Variants in AUTS2 observed in about 807,000 individuals in gnomAD.
AUTS2 encodes the protein activator of transcription and developmental regulator AUTS2.
Under a neutral mutation model 112.4 loss-of-function variants are expected in AUTS2, and 17 were observed. The observed-to-expected ratio is 0.15, with a 90% confidence interval of 0.10 to 0.23. The LOEUF (loss-of-function observed/expected upper bound fraction) is 0.23, where lower values mean the gene tolerates loss of function less well. Ranked by LOEUF, AUTS2 falls within the 10% of genes least tolerant of loss-of-function variation. AUTS2 has a pLI of 1.00. For synonymous variants in AUTS2, 751 were observed against 702.7 expected, an observed-to-expected ratio of 1.07 and a Z score of -1.09; for missense variants, 1,510 against 1,701.6, an observed-to-expected ratio of 0.89 and a Z score of 1.98.
intron 5 of AUTS2, among the ~76,000 whole-genome samples, chr7:70,489,512 A>C (rs775724879): frequency 3.3e-5 from 5 of 152,244 alleles, no homozygotes; most frequent in Admixed American, 6.5e-5. Flanking sequence ...AAAGCCGTAG[A>C]GAGACGACAA....
At position 70,791,167 on chromosome 7, in the gene AUTS2, A is replaced by G; in HGVS notation, c.*171A>G. The stretch of plus-strand genomic sequence containing the variant: ...CACATTTTGAAATGTTTTGTATATT[A>G]TATGTTGAGATTTTTCAGATCTTTT... On this transcript the variant is annotated 3_prime_UTR_variant, in exon 19 of 19. Transcript: ENST00000342771. 2 of 604,038 alleles carry G rather than the reference A, an allele frequency of 3.3e-6. No individual in the cohort carries two copies. Among genetic ancestry groups the G allele is most frequent in the Non-Finnish European group, 4.9e-6 (2 of 410,900 alleles). 37.4% of individuals were successfully genotyped at this position (604,038 alleles called of 1,614,324 possible).
intron 5 of AUTS2, among the ~76,000 whole-genome samples, chr7:70,495,126 C>T (rs566801616): frequency 4.4e-4 from 67 of 151,242 alleles, no homozygotes; most frequent in Non-Finnish European, 7.8e-4. Flanking sequence ...GGTCTCGTGC[C>T]GACCCTAGTA....
At chr7:69,664,316 G>A (rs1320740930) in intron 1 of AUTS2, among the ~76,000 whole-genome samples, 1 of 152,160 alleles carries the variant, frequency 6.6e-6, no homozygotes, top group Admixed American at 6.5e-5. Context: ...TGTATTAGGA[G>A]CTTAGTATGC....
At chr7:69,654,065 G>A (rs918249115) in intron 1 of AUTS2, among the ~76,000 whole-genome samples, 8 of 152,194 alleles carry the variant, frequency 5.3e-5, no homozygotes, top group African/African-American at 1.9e-4. Flanking sequence ...CATAAGACGG[G>A]ATGTTGGTCT....
chr7:69,629,553 G>A (rs941524690), intron 1 of AUTS2, among the ~76,000 whole-genome samples: 2 of 152,148 alleles, frequency 1.3e-5, no homozygotes, highest in South Asian at 4.1e-4. Flanking sequence ...AATGAGATGA[G>A]CCCCAACTTC....
At position 69,651,481 on chromosome 7, in the gene AUTS2, G is replaced by T. The variant is rs189832839; in HGVS notation, c.309+51519G>T. Among the ~76,000 whole-genome samples, 194 of 152,322 alleles carry T rather than the reference G, an allele frequency of 1.3e-3. 1 individual carries two copies. The highest frequency in any genetic ancestry group is 6.8e-3 in the Middle Eastern group (2 of 294). On this transcript the variant is annotated intron_variant, in intron 1 of 18. Coordinates refer to ENST00000342771, the MANE Select transcript of AUTS2 (RefSeq NM_015570.4). ...TCTGGGGAATTCCCCAAAGCTGGAC[G>T]CACTTGTTAAATGAGGTTATGGCTC...
chr7:69,612,532 T>C (rs1457390536), intron 1 of AUTS2, among the ~76,000 whole-genome samples: 1 of 152,110 alleles, frequency 6.6e-6, no homozygotes, highest in Non-Finnish European at 1.5e-5. Flanking sequence ...CAGTCATGGC[T>C]CACTGCAGCC....
At chr7:70,340,307 G>A (rs1791206159) in intron 4 of AUTS2, among the ~76,000 whole-genome samples, 1 of 152,036 alleles carries the variant, frequency 6.6e-6, no homozygotes, top group South Asian at 2.1e-4. Flanking sequence ...CATAAGGGAT[G>A]AGGTGTGCCT....
At chr7:70,290,269 A>C in intron 4 of AUTS2, 3 of 1,211,630 alleles carry the variant, frequency 2.5e-6, no homozygotes, top group Non-Finnish European at 3.2e-6. Flanking sequence ...TTATAAAACA[A>C]ATTACCAATG....
At chr7:69,888,551 ATATATATATATATATATATATG>A (rs1239837307) in intron 1 of AUTS2, among the ~76,000 whole-genome samples, 3 of 141,170 alleles carry the variant, frequency 2.1e-5, no homozygotes, top group South Asian at 4.6e-4. Flanking sequence ...ATATATATAT[ATATATATATATATATATATATG>A]TATGGTTTTT....
chr7:70,051,445 G>A (rs1801749063), intron 2 of AUTS2, among the ~76,000 whole-genome samples: 1 of 152,188 alleles, frequency 6.6e-6, no homozygotes, highest in Non-Finnish European at 1.5e-5. Context: ...GGCTGAGCGT[G>A]TTGGCTCACA....
intron 1 of AUTS2, among the ~76,000 whole-genome samples, chr7:69,804,572 A>G (rs191859097): frequency 1.3e-5 from 2 of 152,330 alleles, no homozygotes; most frequent in African/African-American, 2.4e-5. Flanking sequence ...AGACTTAAAT[A>G]TACTTACTAG....
At chr7:69,754,182 C>T (rs574401291) in intron 1 of AUTS2, among the ~76,000 whole-genome samples, 2 of 152,274 alleles carry the variant, frequency 1.3e-5, no homozygotes, top group African/African-American at 2.4e-5. Flanking sequence ...CTCTTCATGC[C>T]TCAGCCAATC....
intron 1 of AUTS2, among the ~76,000 whole-genome samples, chr7:69,658,136 C>T (rs1187485425): frequency 6.6e-6 from 1 of 152,242 alleles, no homozygotes; most frequent in Non-Finnish European, 1.5e-5. Context: ...CATGCTCATT[C>T]ATTTACGTTA....
intron 1 of AUTS2, among the ~76,000 whole-genome samples, chr7:69,768,569 G>A (rs540283636): frequency 6.6e-6 from 1 of 152,324 alleles, no homozygotes; most frequent in South Asian, 2.1e-4. Context: ...AAGCTGTCAG[G>A]TGTAGAAGAG....
rs181917665 is a variant in AUTS2, at chr7:70,233,776, A to G, written c.660+99205A>G. On this transcript the variant is annotated intron_variant, in intron 4 of 18. Coordinates refer to ENST00000342771, the MANE Select transcript of AUTS2 (RefSeq NM_015570.4). ...GGAGAGAAGACCATAAGAATCACCA[A>G]AGCGGAATTTCCCATTGCTGGTAAA... is the stretch of plus-strand genomic sequence containing the variant. Among the ~76,000 whole-genome samples, 4 of 152,328 alleles carry G rather than the reference A, an allele frequency of 2.6e-5. No individual in the cohort carries two copies. In the East Asian group the frequency reaches 7.7e-4, roughly 29 times the overall value.
At chr7:70,525,236 G>C (rs755309517) in intron 5 of AUTS2, among the ~76,000 whole-genome samples, 3 of 152,268 alleles carry the variant, frequency 2.0e-5, no homozygotes, top group Non-Finnish European at 2.9e-5. Context: ...CATTCCATCA[G>C]TTGTCATAGT....
In AUTS2 at chr7:69,675,806, C is replaced by T. The variant is rs567900949; in HGVS notation, c.309+75844C>T. Among the ~76,000 whole-genome samples, 14 of 152,198 alleles carry T rather than the reference C, an allele frequency of 9.2e-5. No individual in the cohort carries two copies. The South Asian group carries it at 2.5e-3, about 27-fold the overall frequency. ...ACAGGTGTGAGCCACTGTGTCCGGC[C>T]TTGGCTGAGGTTTGACTCTTTGCAC... On this transcript the variant is annotated intron_variant, in intron 1 of 18. Transcript: ENST00000342771.
chr7:70,351,747 G>A (rs1470976020), intron 4 of AUTS2, among the ~76,000 whole-genome samples: 1 of 149,988 alleles, frequency 6.7e-6, no homozygotes, highest in Non-Finnish European at 1.5e-5. Context: ...TGTTGCCCAG[G>A]CTGGCGTGCA....
Sources: allele counts gnomAD v4.1 joint callset (sites outside exome capture counted in the v4.1 genomes callset), GRCh38; gene constraint gnomAD v4.1.1; transcripts MANE v1.5; gene names NCBI Gene and HGNC (gene_info 2026-07-23, HGNC 2026-07-21).